The following CHCHD3 variants were observed in gnomAD, a reference collection of about 807,000 sequenced individuals.
The protein encoded by CHCHD3 is MICOS complex subunit MIC19.
Under a neutral mutation model 38.2 loss-of-function variants are expected in CHCHD3, and 20 were observed. The ratio of observed to expected loss-of-function variants is 0.52; its 90% CI spans 0.37 to 0.76. CHCHD3 has a LOEUF of 0.76. Among genes scored for constraint, CHCHD3 ranks in the 30% least tolerant of loss-of-function variants. The pLI is 0.00. For missense variants in CHCHD3, 245 were observed against 279.2 expected, an observed-to-expected ratio of 0.88 and a Z score of 0.87; for synonymous variants, 82 against 100.0, an observed-to-expected ratio of 0.82 and a Z score of 1.07.
At chr7:132,793,362 TC>T (rs935598896) in intron 7 of CHCHD3, among the ~76,000 whole-genome samples, 26 of 152,234 alleles carry the variant, frequency 1.7e-4, no homozygotes, top group African/African-American at 6.3e-4. Context: ...ATGTGCTCCT[TC>T]CTTTGTAAAT....
intron 5 of CHCHD3, among the ~76,000 whole-genome samples, chr7:132,848,271 T>G (rs1808130714): frequency 6.6e-6 from 1 of 152,194 alleles, no homozygotes; most frequent in Non-Finnish European, 1.5e-5. Flanking sequence ...CAGTTCCCAT[T>G]GTTGAGTAGC....
At chr7:132,872,418 C>A (rs1036355120) in intron 5 of CHCHD3, among the ~76,000 whole-genome samples, 2 of 152,192 alleles carry the variant, frequency 1.3e-5, no homozygotes, top group African/African-American at 4.8e-5. Context: ...GTGTCATCAC[C>A]TTTACCTGGG....
chr7:132,998,867 C>T (rs1812492614), intron 3 of CHCHD3, among the ~76,000 whole-genome samples: 1 of 152,064 alleles, frequency 6.6e-6, no homozygotes, highest in Non-Finnish European at 1.5e-5. Context: ...GTCTCATTTG[C>T]AAACAATCCT....
intron 2 of CHCHD3, among the ~76,000 whole-genome samples, chr7:133,049,261 C>T (rs781056197): frequency 6.6e-6 from 1 of 152,168 alleles, no homozygotes; most frequent in Non-Finnish European, 1.5e-5. Flanking sequence ...ATAACTACAG[C>T]ACCATGATCA....
intron 2 of CHCHD3, among the ~76,000 whole-genome samples, chr7:133,046,781 T>G (rs1223120556): frequency 1.3e-5 from 2 of 152,156 alleles, no homozygotes; most frequent in Non-Finnish European, 2.9e-5. Flanking sequence ...GCCAGGATGG[T>G]CTCAATCTCC....
At chr7:133,052,337 G>C (rs1305552274) in intron 2 of CHCHD3, among the ~76,000 whole-genome samples, 1 of 152,158 alleles carries the variant, frequency 6.6e-6, no homozygotes, top group Non-Finnish European at 1.5e-5. Flanking sequence ...GTTTAGTGGA[G>C]GAGAGGAATG....
chr7:133,047,600 A>G (rs531532598), intron 2 of CHCHD3, among the ~76,000 whole-genome samples: 80 of 152,314 alleles, frequency 5.3e-4, no homozygotes, highest in East Asian at 1.9e-4. Context: ...ATTACAGGTG[A>G]AAAAAATCCA....
chr7:132,969,629 C>A (rs1811561571), intron 4 of CHCHD3, among the ~76,000 whole-genome samples: 1 of 152,160 alleles, frequency 6.6e-6, no homozygotes. Flanking sequence ...AGCTAAAATC[C>A]TAGTAATACT....
chr7:132,855,300 A>C (rs1479790203), intron 5 of CHCHD3, among the ~76,000 whole-genome samples: 1 of 152,204 alleles, frequency 6.6e-6, no homozygotes, highest in Admixed American at 6.5e-5. Flanking sequence ...ATACCCAAGA[A>C]AAAGAAGATC....
chr7:133,000,398 G>A (rs1430858348), intron 3 of CHCHD3, among the ~76,000 whole-genome samples: 1 of 152,030 alleles, frequency 6.6e-6, no homozygotes, highest in Non-Finnish European at 1.5e-5. Flanking sequence ...TTTTTACCGA[G>A]CACAATCCAG....
At chr7:132,936,366 T>C (rs1472098829) in intron 4 of CHCHD3, among the ~76,000 whole-genome samples, 1 of 152,042 alleles carries the variant, frequency 6.6e-6, no homozygotes, top group East Asian at 1.9e-4. Flanking sequence ...TCTGGAAGAG[T>C]CCATTTGAAA....
chr7:133,040,151 T>C (rs535489388), intron 2 of CHCHD3, among the ~76,000 whole-genome samples: 6 of 152,166 alleles, frequency 3.9e-5, no homozygotes, highest in South Asian at 2.1e-4. Context: ...CATGCAGACT[T>C]AGAAAGAAAA....
chr7:132,938,580 A>ATCAAAACTCAGGAGT (rs1810686134), intron 4 of CHCHD3, among the ~76,000 whole-genome samples: 1 of 151,840 alleles, frequency 6.6e-6, no homozygotes, highest in African/African-American at 2.4e-5. Flanking sequence ...AAAGTACATC[A>ATCAAAACTCAGGAGT]CCCAGGTAAA....
chr7:132,915,246 G>A (rs976800787), intron 4 of CHCHD3, among the ~76,000 whole-genome samples: 3 of 152,122 alleles, frequency 2.0e-5, no homozygotes, highest in African/African-American at 7.2e-5. Flanking sequence ...TCGAGCTATG[G>A]TAAGGAGGAA....
At chr7:132,929,300 A>ACTCT (rs142881955) in intron 4 of CHCHD3, among the ~76,000 whole-genome samples, 1 of 146,566 alleles carries the variant, frequency 6.8e-6, no homozygotes, top group South Asian at 2.2e-4. Context: ...TCACTTCTTG[A>ACTCT]CTCTCTCTCT....
intron 2 of CHCHD3, among the ~76,000 whole-genome samples, chr7:133,053,986 G>C (rs1017951211): frequency 6.6e-6 from 1 of 152,126 alleles, no homozygotes; most frequent in African/African-American, 2.4e-5. Context: ...TTATCTAAGG[G>C]CATGTTTTAT....
At chr7:132,878,364 C>T (rs1808966815) in intron 5 of CHCHD3, among the ~76,000 whole-genome samples, 2 of 152,230 alleles carry the variant, frequency 1.3e-5, no homozygotes, top group South Asian at 4.2e-4. Context: ...AGAAGTCACA[C>T]ACAATCAAAA....
intron 4 of CHCHD3, among the ~76,000 whole-genome samples, chr7:132,944,160 T>C (rs1456280044): frequency 1.3e-5 from 2 of 152,112 alleles, no homozygotes; most frequent in Non-Finnish European, 2.9e-5. Flanking sequence ...TAGCAATCAA[T>C]GTACAATTCT....
intron 4 of CHCHD3, among the ~76,000 whole-genome samples, chr7:132,966,489 A>T (rs1055300587): frequency 1.1e-4 from 17 of 152,252 alleles, no homozygotes; most frequent in African/African-American, 4.1e-4. Flanking sequence ...CAGAGCTGTG[A>T]TATTCAACAC....
Sources: allele counts gnomAD v4.1 joint callset (sites outside exome capture counted in the v4.1 genomes callset), GRCh38; gene constraint gnomAD v4.1.1; transcripts MANE v1.5; gene names NCBI Gene and HGNC (gene_info 2026-07-23, HGNC 2026-07-21).